NCKAP5: variants seen among roughly 807,000 people sequenced by gnomAD.
The protein encoded by NCKAP5 is NCK associated protein 5.
In NCKAP5, 92 loss-of-function variants were observed where a neutral mutation model predicts 167.0. That is an observed-to-expected ratio of 0.55 (90% CI 0.47 to 0.66). NCKAP5 has a LOEUF of 0.66. Among genes scored for constraint, NCKAP5 ranks in the 30% least tolerant of loss-of-function variants. NCKAP5 has a pLI of 0.00. For synonymous variants in NCKAP5, 891 were observed against 877.4 expected (o/e 1.02, Z -0.27); for missense variants, 2,378 against 2,315.0 (o/e 1.03, Z -0.56).
chr2:133,467,393 G>T lies in NCKAP5; in HGVS notation c.69+50065C>A, dbSNP rs1315344095. 6.6e-5 allele frequency among the ~76,000 whole-genome samples: 10 copies of T among 152,304 alleles called. No homozygotes were observed. The South Asian group carries it at 1.7e-3, about 25-fold the overall frequency. ...TCATGGTGGATAAGCTTTTTGATGTGCAGCTGGATTCATTTTGCCAGTATT... is the reference window on the plus strand; with the variant it reads ...TCATGGTGGATAAGCTTTTTGATGTTCAGCTGGATTCATTTTGCCAGTATT... On this transcript the variant is annotated intron_variant, in intron 3 of 19. Transcript: ENST00000409261.
intron 16 of NCKAP5, among the ~76,000 whole-genome samples, chr2:132,736,064 C>A (rs559296795): frequency 1.3e-5 from 2 of 152,230 alleles, no homozygotes; most frequent in African/African-American, 2.4e-5. Flanking sequence ...ACTCATAAAC[C>A]ATTCACTATT....
chr2:132,794,321 GAGAGAGAAAGAGAGAGAGAC>G (rs1684393907), intron 12 of NCKAP5, among the ~76,000 whole-genome samples: 2 of 143,428 alleles, frequency 1.4e-5, no homozygotes, highest in Non-Finnish European at 3.1e-5. Context: ...GGCGGGAAGA[GAGAGAGAAAGAGAGAGAGAC>G]AGAGACAGAG....
At chr2:132,914,249 C>T (rs1694686565) in intron 8 of NCKAP5, among the ~76,000 whole-genome samples, 1 of 151,956 alleles carries the variant, frequency 6.6e-6, no homozygotes, top group Admixed American at 6.6e-5. Context: ...ATTTAAAAAG[C>T]CTAATTCGTG....
intron 16 of NCKAP5, among the ~76,000 whole-genome samples, chr2:132,752,323 C>T (rs892034668): frequency 6.6e-6 from 1 of 152,242 alleles, no homozygotes; most frequent in Non-Finnish European, 1.5e-5. Context: ...TGAGGAAGTT[C>T]ACATCTTACA....
chr2:133,038,367 A>T (rs915955890), intron 6 of NCKAP5, among the ~76,000 whole-genome samples: 1 of 152,198 alleles, frequency 6.6e-6, no homozygotes, highest in African/African-American at 2.4e-5. Flanking sequence ...TAAGCCAGGA[A>T]CAGAAAGACA....
At chr2:132,800,414 A>C (rs1684934223) in intron 11 of NCKAP5, among the ~76,000 whole-genome samples, 1 of 152,328 alleles carries the variant, frequency 6.6e-6, no homozygotes, top group South Asian at 2.1e-4. Context: ...ATAGGTTTGA[A>C]ATAGGCCTTG....
At chr2:132,780,594 A>G (rs534126338) in intron 15 of NCKAP5, among the ~76,000 whole-genome samples, 159 of 152,382 alleles carry the variant, frequency 1.0e-3, no homozygotes, top group African/African-American at 3.7e-3. Context: ...TACAACTTTC[A>G]TAAAACATGA....
At chr2:132,950,362 ATTC>A (rs2076146821) in intron 8 of NCKAP5, among the ~76,000 whole-genome samples, 1 of 152,190 alleles carries the variant, frequency 6.6e-6, no homozygotes, top group African/African-American at 2.4e-5. Context: ...TATCATTATT[ATTC>A]TTCAATATAT....
chr2:132,782,248 A>C lies in NCKAP5; in HGVS notation c.4563T>G (p.Ser1521Arg). 1 of 1,613,848 alleles carries C rather than the reference A, an allele frequency of 6.2e-7. No individual in the cohort carries two copies. Among genetic ancestry groups the C allele is most frequent in the Middle Eastern group, 1.7e-4 (1 of 6,060 alleles). The change falls in exon 14 of 20, where the codon AGT becomes AGG. Residue 1521 changes from serine to arginine, a missense_variant. By Grantham distance (110) the Ser-to-Arg change is moderately radical. Around this residue, in one of 3 missense-constraint regions of NCKAP5, gnomAD observed 1,325 missense variants for 1,274.5 expected, o/e 1.04. Coordinates refer to ENST00000409261, the MANE Select transcript of NCKAP5 (RefSeq NM_207363.3). ...GFRKSRLPALSSRKMDISKTK... is the reference protein window; with the variant it reads ...GFRKSRLPALRSRKMDISKTK... Reference sequence around the variant, plus strand: ...TTTTGGAGATGTCCATTTTCCTGCTACTCAGAGCTGGAAGTCTACTCTTCC... The same window carrying C: ...TTTTGGAGATGTCCATTTTCCTGCTCCTCAGAGCTGGAAGTCTACTCTTCC...
At chr2:133,580,512 G>A in the NCKAP5 span, among the ~76,000 whole-genome samples, 1 of 152,130 alleles carries the variant, frequency 6.6e-6, no homozygotes, top group Non-Finnish European at 1.5e-5. Context: ...TTAATAATTT[G>A]GGGGGATGTC....
chr2:132,975,040 C>A (rs2076940897), intron 7 of NCKAP5, among the ~76,000 whole-genome samples: 1 of 152,154 alleles, frequency 6.6e-6, no homozygotes, highest in Admixed American at 6.5e-5. Flanking sequence ...TTAGATAGCA[C>A]TTCAGCAAAT....
Position 132,782,911 on chromosome 2 carries a change from C to G in NCKAP5, c.3900G>C (p.Gln1300His), listed in dbSNP as rs1414168554. The change falls in exon 14 of 20, where the codon CAG (glutamine) becomes CAC (histidine). Residue 1300 changes from glutamine to histidine, a missense_variant. Around this residue, in one of 3 missense-constraint regions of NCKAP5, gnomAD observed 1,325 missense variants for 1,274.5 expected, o/e 1.04. Transcript: ENST00000409261. ...CTCTCTCGGCGGTATTGGTAATGAT[C>G]TGAGTGCGGACTTTGCCTGACCCTT... The part of the protein sequence containing the change: ...PIEGSGKVRT[Q>H]IITNTAERGN... The G allele has an allele frequency of 1.2e-6, 2 of 1,613,868 alleles. No homozygotes were observed. Among genetic ancestry groups the G allele is most frequent in the African/African-American group, 1.3e-5 (1 of 74,922 alleles).
chr2:133,066,709 G>C (rs1281069722), intron 6 of NCKAP5, among the ~76,000 whole-genome samples: 1 of 152,174 alleles, frequency 6.6e-6, no homozygotes, highest in African/African-American at 2.4e-5. Flanking sequence ...TTTGGTCTCA[G>C]AAACGTTAGA....
intron 3 of NCKAP5, among the ~76,000 whole-genome samples, chr2:133,481,813 T>C (rs1680471032): frequency 6.6e-6 from 1 of 152,214 alleles, no homozygotes; most frequent in South Asian, 2.1e-4. Context: ...ATGTACCACA[T>C]TTTCTTTATC....
intron 5 of NCKAP5, among the ~76,000 whole-genome samples, chr2:133,146,362 T>C (rs1285332219): frequency 6.6e-6 from 1 of 151,970 alleles, no homozygotes; most frequent in Non-Finnish European, 1.5e-5. Flanking sequence ...GAAGGGGTGG[T>C]ATAACATGTA....
At chr2:132,956,103 C>CA (rs2076334996) in intron 8 of NCKAP5, among the ~76,000 whole-genome samples, 1 of 152,072 alleles carries the variant, frequency 6.6e-6, no homozygotes, top group Non-Finnish European at 1.5e-5. Context: ...GTTCTCACCA[C>CA]AAAAAATGTT....
intron 16 of NCKAP5, among the ~76,000 whole-genome samples, chr2:132,748,077 C>T (rs901318109): frequency 6.6e-6 from 1 of 152,152 alleles, no homozygotes; most frequent in Non-Finnish European, 1.5e-5. Context: ...TAATCCAGGG[C>T]CTCCGCCTCT....
the NCKAP5 span, among the ~76,000 whole-genome samples, chr2:133,626,231 CTGA>C: frequency 2.2e-3 from 328 of 152,262 alleles, no homozygotes; most frequent in Non-Finnish European, 3.3e-3. Context: ...GAAAGACATC[CTGA>C]TGATATGTCC....
At chr2:133,123,500 C>A in intron 6 of NCKAP5, 1 of 190,612 alleles carries the variant, frequency 5.2e-6, no homozygotes, top group Non-Finnish European at 1.1e-5. Context: ...GTTGCTTTAC[C>A]ATCTTCAACT....
Sources: allele counts gnomAD v4.1 joint callset (sites outside exome capture counted in the v4.1 genomes callset), GRCh38; gene constraint gnomAD v4.1.1; regional missense constraint gnomAD v4.1.1; transcripts MANE v1.5; gene names NCBI Gene and HGNC (gene_info 2026-07-23, HGNC 2026-07-21).